MYO16: variants seen among roughly 807,000 people sequenced by gnomAD.
The protein encoded by MYO16 is unconventional myosin-XVI.
In MYO16, 94 loss-of-function variants were observed where a neutral mutation model predicts 205.3. The ratio of observed to expected loss-of-function variants is 0.46; its 90% CI spans 0.39 to 0.54. MYO16 has a LOEUF of 0.54. Among genes scored for constraint, MYO16 ranks in the 20% least tolerant of loss-of-function variants. MYO16 has a pLI of 0.00. For synonymous variants in MYO16, 988 were observed against 954.0 expected (o/e 1.04, Z -0.66); for missense variants, 2,315 against 2,387.5 (o/e 0.97, Z 0.63).
At chr13:108,825,608 A>AATAC (rs1205945361) in intron 9 of MYO16, among the ~76,000 whole-genome samples, 1 of 151,048 alleles carries the variant, frequency 6.6e-6, no homozygotes, top group Non-Finnish European at 1.5e-5. Flanking sequence ...TAAATAAATG[A>AATAC]ATAGTATCCA....
At chr13:108,740,202 G>A (rs984668720) in intron 4 of MYO16, among the ~76,000 whole-genome samples, 1 of 142,426 alleles carries the variant, frequency 7.0e-6, no homozygotes, top group Non-Finnish European at 1.5e-5. Flanking sequence ...TTTGGAGGGG[G>A]AGAGGTGCTC....
chr13:108,604,421 C>G lies in MYO16; in HGVS notation c.-39+8182C>G, dbSNP rs74544574. Reference sequence around the variant, plus strand: ...TTGAAAAAAGAATGCAGTAGTAACACCAAGGAAATGAAGTAACATTTAGAG... The same window carrying G: ...TTGAAAAAAGAATGCAGTAGTAACAGCAAGGAAATGAAGTAACATTTAGAG... On this transcript the variant is annotated intron_variant, in intron 1 of 24. Transcript: ENST00000251041. 2.3e-3 allele frequency among the ~76,000 whole-genome samples: 343 copies of G among 152,182 alleles called. 1 individual carries two copies. Among genetic ancestry groups the G allele is most frequent in the Non-Finnish European group, 3.9e-3 (264 of 68,010 alleles).
chr13:108,847,853 T>A (rs1877601817), intron 10 of MYO16, among the ~76,000 whole-genome samples: 1 of 152,114 alleles, frequency 6.6e-6, no homozygotes. Flanking sequence ...GTTTTTTCAT[T>A]TTTTTCTTGG....
chr13:108,500,951 A>G, the MYO16 span, among the ~76,000 whole-genome samples: 1 of 151,934 alleles, frequency 6.6e-6, no homozygotes, highest in Non-Finnish European at 1.5e-5. Context: ...ATTTTACAAC[A>G]CCGAGGTGCT....
chr13:108,574,604 T>C, the MYO16 span, among the ~76,000 whole-genome samples: 3 of 152,002 alleles, frequency 2.0e-5, no homozygotes, highest in Non-Finnish European at 2.9e-5. Flanking sequence ...ATCCTCAATC[T>C]TTCTAATACG....
At chr13:108,525,762 C>G in the MYO16 span, among the ~76,000 whole-genome samples, 1 of 152,118 alleles carries the variant, frequency 6.6e-6, no homozygotes, top group East Asian at 1.9e-4. Context: ...CACGAGAATC[C>G]TAAAAATAAA....
chr13:108,671,896 G>T (rs1430971689), intron 2 of MYO16, among the ~76,000 whole-genome samples: 1 of 152,068 alleles, frequency 6.6e-6, no homozygotes, highest in African/African-American at 2.4e-5. Context: ...CCTCCCAAAG[G>T]CTACAACTCC....
chr13:108,853,141 A>G (rs929795404), intron 10 of MYO16, among the ~76,000 whole-genome samples: 6 of 152,190 alleles, frequency 3.9e-5, no homozygotes, highest in African/African-American at 9.7e-5. Context: ...CATCACTTCT[A>G]TGGTCGCGCC....
chr13:108,556,714 T>C, the MYO16 span, among the ~76,000 whole-genome samples: 16 of 152,340 alleles, frequency 1.1e-4, no homozygotes, highest in East Asian at 1.9e-4. Flanking sequence ...CCCATATCAA[T>C]GTCATGGTGC....
chr13:109,069,259 C>T (rs1887851632), intron 27 of MYO16, among the ~76,000 whole-genome samples: 1 of 152,072 alleles, frequency 6.6e-6, no homozygotes, highest in Non-Finnish European at 1.5e-5. Context: ...ATTGAAATCC[C>T]AAATCTGATT....
intron 28 of MYO16, among the ~76,000 whole-genome samples, chr13:109,112,004 A>G (rs1889302254): frequency 6.6e-6 from 1 of 152,190 alleles, no homozygotes; most frequent in African/African-American, 2.4e-5. Context: ...ACTTAAAAAT[A>G]AAGGGATAGC....
At chr13:109,019,966 G>T in intron 23 of MYO16, 55 bp downstream of exon 23, 1 of 1,544,544 alleles carries the variant, frequency 6.5e-7, no homozygotes, top group African/African-American at 1.4e-5. Context: ...AAAGGTCCTT[G>T]GGACAAGCTC....
chr13:108,609,848 CT>C (rs1393948753), intron 1 of MYO16, among the ~76,000 whole-genome samples: 2 of 151,934 alleles, frequency 1.3e-5, no homozygotes, highest in African/African-American at 4.8e-5. Context: ...GAGTAAAAGC[CT>C]CATGGAATGG....
At chr13:108,501,677 A>G in the MYO16 span, among the ~76,000 whole-genome samples, 2 of 152,200 alleles carry the variant, frequency 1.3e-5, no homozygotes, top group Non-Finnish European at 1.5e-5. Flanking sequence ...GCCAGTTCCA[A>G]CCTTGGCCTG....
intron 28 of MYO16, among the ~76,000 whole-genome samples, chr13:109,113,699 T>G (rs1875523349): frequency 6.6e-6 from 1 of 152,048 alleles, no homozygotes; most frequent in African/African-American, 2.4e-5. Context: ...GCTTGGGTGA[T>G]GAGGTGATGA....
chr13:108,846,504 G>A (rs907134388), intron 10 of MYO16, among the ~76,000 whole-genome samples: 5 of 127,202 alleles, frequency 3.9e-5, no homozygotes, highest in Admixed American at 3.4e-4. Flanking sequence ...ACATACATGT[G>A]TGTATATACA....
chr13:108,607,614 A>G (rs757238475), intron 1 of MYO16, among the ~76,000 whole-genome samples: 2 of 152,154 alleles, frequency 1.3e-5, no homozygotes, highest in Non-Finnish European at 2.9e-5. Context: ...TAAATTACCC[A>G]GTCTTGGGTA....
At chr13:108,747,793 T>C (rs192209923) in intron 4 of MYO16, among the ~76,000 whole-genome samples, 1 of 152,180 alleles carries the variant, frequency 6.6e-6, no homozygotes, top group East Asian at 1.9e-4. Context: ...GAAAACCACA[T>C]TGAATATAAA....
chr13:108,660,922 T>C (rs1249127542), intron 1 of MYO16, among the ~76,000 whole-genome samples: 1 of 152,204 alleles, frequency 6.6e-6, no homozygotes, highest in South Asian at 2.1e-4. Context: ...AGGTCCTGTT[T>C]TGATGTGTTT....
Sources: allele counts gnomAD v4.1 joint callset (sites outside exome capture counted in the v4.1 genomes callset), GRCh38; gene constraint gnomAD v4.1.1; transcripts MANE v1.5; gene names NCBI Gene and HGNC (gene_info 2026-07-23, HGNC 2026-07-21).